The following GRAMD4 variants were observed in gnomAD, a reference collection of about 807,000 sequenced individuals.
GRAMD4 encodes the protein GRAM domain-containing protein 4.
A neutral mutation model predicts 83.9 loss-of-function variants in GRAMD4; 25 were observed. The ratio of observed to expected loss-of-function variants is 0.30; its 90% CI spans 0.22 to 0.42. GRAMD4 has a LOEUF of 0.42. Ranked by LOEUF, GRAMD4 falls within the 10% of genes least tolerant of loss-of-function variation. GRAMD4 has a pLI of 1.00. For missense variants in GRAMD4, 593 were observed against 788.7 expected, an observed-to-expected ratio of 0.75 and a Z score of 2.97; for synonymous variants, 336 against 320.9, an observed-to-expected ratio of 1.05 and a Z score of -0.50.
chr22:46,582,045 G>A (rs2081103783), intron 1 of GRAMD4, among the ~76,000 whole-genome samples: 1 of 152,166 alleles, frequency 6.6e-6, no homozygotes, highest in South Asian at 2.1e-4. Flanking sequence ...GGTCTACTGA[G>A]GAGCAGTGCT....
chr22:46,641,550 C>T (rs1371206043), intron 3 of GRAMD4, among the ~76,000 whole-genome samples: 3 of 152,178 alleles, frequency 2.0e-5, no homozygotes, highest in South Asian at 2.1e-4. Flanking sequence ...GTTCTCTGCG[C>T]GTCACACTTT....
At chr22:46,626,503 C>T (rs555905275) in intron 1 of GRAMD4, among the ~76,000 whole-genome samples, 1 of 152,338 alleles carries the variant, frequency 6.6e-6, no homozygotes, top group Non-Finnish European at 1.5e-5. Context: ...CCAAGGGCCC[C>T]ACCTGATGGG....
rs1221282544 is a variant in GRAMD4, at chr22:46,622,403, T to C, written c.-50+1838T>C. On this transcript the variant is annotated intron_variant, in intron 1 of 18. Coordinates refer to ENST00000406902, the MANE Select transcript of GRAMD4 (RefSeq NM_015124.5). This position sits in a 1 kb window ranked among gnomAD's most constrained non-coding sequence, Gnocchi z 4.0. ...GGAGGACTCGCCGGGTTTTTGAAAA[T>C]GGAAGGAAGTAGGTTTTACATTGCT... Among the ~76,000 whole-genome samples, 3 of 152,018 alleles carry C rather than the reference T, an allele frequency of 2.0e-5. No homozygotes were observed. The highest frequency in any genetic ancestry group is 2.0e-4 in the Admixed American group (3 of 15,256).
intron 10 of GRAMD4, among the ~76,000 whole-genome samples, chr22:46,667,253 A>G (rs571974408): frequency 6.6e-6 from 1 of 152,164 alleles, no homozygotes; most frequent in East Asian, 1.9e-4. Flanking sequence ...CCCATCTGAG[A>G]TTCAAGAGCC....
intron 1 of GRAMD4, among the ~76,000 whole-genome samples, chr22:46,589,920 C>T (rs1436479535): frequency 6.6e-6 from 1 of 152,204 alleles, no homozygotes; most frequent in African/African-American, 2.4e-5. Flanking sequence ...GCAGCTTTCT[C>T]CCTACCCCTT....
At chr22:46,675,691 G>A (rs539138731) in intron 17 of GRAMD4, 139 bp downstream of exon 17, 22 of 659,208 alleles carry the variant, frequency 3.3e-5, no homozygotes, top group African/African-American at 5.5e-5. Context: ...GCCATGGTCC[G>A]TTTCCTTGAC....
chr22:46,670,026 G>A (rs569198941), intron 13 of GRAMD4, among the ~76,000 whole-genome samples: 7 of 152,360 alleles, frequency 4.6e-5, no homozygotes, highest in East Asian at 3.9e-4. Flanking sequence ...GGTGGGACTC[G>A]CCTGAGCCCA....
intron 1 of GRAMD4, among the ~76,000 whole-genome samples, chr22:46,592,381 G>C (rs964995344): frequency 6.6e-6 from 1 of 152,072 alleles, no homozygotes; most frequent in South Asian, 2.1e-4. Flanking sequence ...AGGCTAAGGC[G>C]GGAGGATCCA....
At chr22:46,625,228 C>G (rs1417506299) in intron 1 of GRAMD4, among the ~76,000 whole-genome samples, 2 of 152,232 alleles carry the variant, frequency 1.3e-5, no homozygotes, top group African/African-American at 4.8e-5. Context: ...AGCCTCCCCT[C>G]CCCTCACCAT....
intron 1 of GRAMD4, 130 bp from the exon 2 acceptor site, chr22:46,626,621 G>A (rs1022888500): frequency 1.7e-6 from 1 of 584,262 alleles, no homozygotes; most frequent in Non-Finnish European, 3.0e-6. Flanking sequence ...TGGGAGGGAC[G>A]GTGGCAGGGC....
chr22:46,650,121 G>A lies in GRAMD4; in HGVS notation c.284-8066G>A, dbSNP rs536832130. 1.7e-3 allele frequency among the ~76,000 whole-genome samples: 262 copies of A among 152,356 alleles called. 1 individual carries two copies. Among genetic ancestry groups the A allele is most frequent in the Non-Finnish European group, 2.6e-3 (175 of 68,026 alleles). On this transcript the variant is annotated intron_variant, in intron 3 of 18. Transcript: ENST00000406902. ...AGCTTTTTGGGTGGATTCTGAGTTC[G>A]CGCCCCTGGCCTGGTGGGAAGGAGT...
chr22:46,579,007 A>G (rs1046509843), intron 1 of GRAMD4, among the ~76,000 whole-genome samples: 7 of 152,184 alleles, frequency 4.6e-5, no homozygotes, highest in Admixed American at 2.6e-4. Flanking sequence ...CTTTCCTCTC[A>G]GCTGCCCCTA....
Position 46,622,518 on chromosome 22 carries a change from G to A in GRAMD4, c.-50+1953G>A, listed in dbSNP as rs1281845178. Reference sequence around the variant, plus strand: ...CCGGGGGCTTGGGGAGGGCATGGGAGTTCCTATTCAGTGAGCAGAGTTTCA... The same window carrying A: ...CCGGGGGCTTGGGGAGGGCATGGGAATTCCTATTCAGTGAGCAGAGTTTCA... On this transcript the variant is annotated intron_variant, in intron 1 of 18. Transcript: ENST00000406902. The surrounding 1 kb of genome is among the most constrained non-coding windows in gnomAD (Gnocchi z 4.0). Among the ~76,000 whole-genome samples, 1 of 152,210 alleles carries A rather than the reference G, an allele frequency of 6.6e-6. No individual in the cohort carries two copies. Among genetic ancestry groups the A allele is most frequent in the Non-Finnish European group, 1.5e-5 (1 of 68,034 alleles).
intron 1 of GRAMD4, among the ~76,000 whole-genome samples, chr22:46,612,123 T>TGC (rs1569259435): frequency 6.6e-6 from 1 of 151,476 alleles, no homozygotes; most frequent in Admixed American, 6.6e-5. Context: ...CCTGCCTCAG[T>TGC]CTTCTGAGAA....
chr22:46,643,789 G>A (rs1356774033), intron 3 of GRAMD4, among the ~76,000 whole-genome samples: 1 of 152,206 alleles, frequency 6.6e-6, no homozygotes, highest in Non-Finnish European at 1.5e-5. Flanking sequence ...AGACATGATG[G>A]CGTGTCCTTA....
intron 1 of GRAMD4, among the ~76,000 whole-genome samples, chr22:46,602,444 A>G (rs2081320549): frequency 6.6e-6 from 1 of 152,096 alleles, no homozygotes; most frequent in African/African-American, 2.4e-5. Flanking sequence ...TTGCGAGACC[A>G]TGTTGTCCAG....
At chr22:46,654,894 A>G (rs1270882186) in intron 3 of GRAMD4, among the ~76,000 whole-genome samples, 2 of 152,180 alleles carry the variant, frequency 1.3e-5, no homozygotes, top group African/African-American at 2.4e-5. Context: ...GAAACGTCAC[A>G]CTGTACCAGG....
At chr22:46,630,593 G>A (rs991262255) in intron 2 of GRAMD4, among the ~76,000 whole-genome samples, 12 of 152,230 alleles carry the variant, frequency 7.9e-5, no homozygotes, top group Admixed American at 6.5e-5. Context: ...GCAGCCTGGG[G>A]TGTTCTGACC....
chr22:46,599,682 C>A (rs1358316632), intron 1 of GRAMD4, among the ~76,000 whole-genome samples: 1 of 152,164 alleles, frequency 6.6e-6, no homozygotes, highest in Non-Finnish European at 1.5e-5. Flanking sequence ...ACCTAGCAAC[C>A]TGCATTTAAT....
Sources: gnomAD v4.1 joint callset for allele counts (sites outside exome capture counted in the v4.1 genomes callset) on GRCh38, gnomAD v4.1.1 for gene constraint, Gnocchi (gnomAD v3.1) non-coding constraint, MANE v1.5 for transcripts, NCBI Gene and HGNC (gene_info 2026-07-23, HGNC 2026-07-21) for gene names.